TIMM23B: variants seen among roughly 807,000 people sequenced by gnomAD.
The protein encoded by TIMM23B is translocase of inner mitochondrial membrane 23 homolog B.
In TIMM23B, 27 loss-of-function variants were observed where a neutral mutation model predicts 27.3. The ratio of observed to expected loss-of-function variants is 0.99; its 90% CI spans 0.73 to 1.36. The LOEUF (loss-of-function observed/expected upper bound fraction) is 1.36, where lower values mean the gene tolerates loss of function less well. TIMM23B is among the 40% of genes most tolerant of loss of function. The probability of loss-of-function intolerance (pLI) is 0.00; values close to 1 mark genes in which losing one functional copy is unlikely to be tolerated. For missense variants in TIMM23B, 205 were observed against 244.2 expected, an observed-to-expected ratio of 0.84 and a Z score of 1.07; for synonymous variants, 73 against 92.4, an observed-to-expected ratio of 0.79 and a Z score of 1.21.
In TIMM23B at chr10:49,966,108, A is replaced by C. The variant is rs1177543173; in HGVS notation, c.515-6904A>C. Among the ~76,000 whole-genome samples, 3 of 131,396 alleles carry C rather than the reference A, an allele frequency of 2.3e-5. No individual in the cohort carries two copies. In the Middle Eastern group the frequency reaches 0.014, roughly 597 times the overall value. The allele number at this position is 131,396 out of a possible 152,430, so 86.2% of individuals were successfully genotyped here. A position where few individuals can be genotyped will look rare whatever the true frequency, so the allele number is the denominator to read the frequency against. On this transcript the variant is annotated intron_variant, in intron 6 of 6. Coordinates refer to ENST00000651259, the MANE Select transcript of TIMM23B (RefSeq NM_001290117.2). ...GACATGACATGACATGATGAAATGAAATAATGAAATGAATAATGAAATGCT... is the reference window on the plus strand; with the variant it reads ...GACATGACATGACATGATGAAATGACATAATGAAATGAATAATGAAATGCT...
rs1839463675 is a variant in TIMM23B at position 49,949,736 on chromosome 10, T to C, written c.166-2390T>C. On this transcript the variant is annotated intron_variant, in intron 2 of 6. Coordinates refer to ENST00000651259, the MANE Select transcript of TIMM23B (RefSeq NM_001290117.2). ...ATTCTGGAGACCTTAAATTTAAAGA[T>C]AATAGAAATTACATTTTGTAAAACT... Among the ~76,000 whole-genome samples, 9 of 151,292 alleles carry C rather than the reference T, an allele frequency of 5.9e-5. No individual in the cohort carries two copies. The South Asian group carries it at 1.9e-3, about 32-fold the overall frequency.
At chr10:49,971,331 TAAA>T (rs59579331) in intron 6 of TIMM23B, among the ~76,000 whole-genome samples, 6 of 117,736 alleles carry the variant, frequency 5.1e-5, no homozygotes, top group Admixed American at 1.7e-4. Flanking sequence ...CAATAAATAC[TAAA>T]AAAAAAAAAA....
chr10:49,968,301 A>T (rs1394252467), intron 6 of TIMM23B, among the ~76,000 whole-genome samples: 1 of 152,266 alleles, frequency 6.6e-6, no homozygotes, highest in Non-Finnish European at 1.5e-5. Context: ...TTTTCAATAG[A>T]AAAAAGCCTC....
At chr10:49,942,406 G>A (rs4935250) in intron 1 of TIMM23B, 106 bp downstream of exon 1, 24 of 1,541,354 alleles carry the variant, frequency 1.6e-5, no homozygotes, top group African/African-American at 1.4e-4. Flanking sequence ...CCTTGCTGGC[G>A]TTTACAAGCT....
chr10:49,968,898 A>C (rs1281133901), intron 6 of TIMM23B, among the ~76,000 whole-genome samples: 1 of 152,194 alleles, frequency 6.6e-6, no homozygotes, highest in East Asian at 1.9e-4. Context: ...CTTTTGAAAA[A>C]GGTCCGCCTA....
intron 4 of TIMM23B, among the ~76,000 whole-genome samples, chr10:49,954,681 T>C (rs1839655295): frequency 1.3e-5 from 2 of 150,834 alleles, no homozygotes; most frequent in African/African-American, 4.9e-5. Flanking sequence ...CAAAGCCTTA[T>C]ATATATTTAA....
intron 4 of TIMM23B, among the ~76,000 whole-genome samples, chr10:49,952,964 A>G (rs1839587839): frequency 6.6e-6 from 1 of 152,212 alleles, no homozygotes; most frequent in Non-Finnish European, 1.5e-5. Context: ...TACTGTCTTG[A>G]CTTTGTTTCC....
intron 5 of TIMM23B, among the ~76,000 whole-genome samples, chr10:49,956,782 G>C (rs1170233885): frequency 6.8e-6 from 1 of 147,228 alleles, no homozygotes; most frequent in Admixed American, 6.8e-5. Context: ...TTGTTGCCAG[G>C]TGTTTGCTAT....
chr10:49,964,634 AAT>A (rs200991683), intron 6 of TIMM23B, among the ~76,000 whole-genome samples: 1,713 of 150,804 alleles, frequency 0.011, 29 homozygotes, highest in African/African-American at 0.039. Context: ...GAAAAAATGA[AAT>A]AAATGAAATG....
At chr10:49,947,609 C>G (rs1364384612) in intron 2 of TIMM23B, among the ~76,000 whole-genome samples, 107 of 147,814 alleles carry the variant, frequency 7.2e-4, no homozygotes, top group Middle Eastern at 3.4e-3. Flanking sequence ...GACTCGGTCT[C>G]AAAAATAAAT....
chr10:49,964,804 AAAT>A (rs1250420591), intron 6 of TIMM23B, among the ~76,000 whole-genome samples: 1 of 151,792 alleles, frequency 6.6e-6, no homozygotes, highest in African/African-American at 2.4e-5. Flanking sequence ...TGAAATGAAG[AAAT>A]AATGAAATGA....
intron 6 of TIMM23B, among the ~76,000 whole-genome samples, chr10:49,971,179 C>T (rs2132071321): frequency 6.6e-6 from 1 of 152,144 alleles, no homozygotes; most frequent in Admixed American, 6.5e-5. Flanking sequence ...TACCCAGGGA[C>T]ACAAAAACTG....
Position 49,942,983 on chromosome 10 carries a change from A to G in TIMM23B, c.106+683A>G, listed in dbSNP as rs1162897037. ...TAACTGTGGTTGTTCAACTAGATAAATAGAACTTGGACCTAAAGATAGGCA... is the reference window on the plus strand; with the variant it reads ...TAACTGTGGTTGTTCAACTAGATAAGTAGAACTTGGACCTAAAGATAGGCA... On this transcript the variant is annotated intron_variant, in intron 1 of 6. Coordinates refer to ENST00000651259, the MANE Select transcript of TIMM23B (RefSeq NM_001290117.2). 3.3e-5 allele frequency among the ~76,000 whole-genome samples: 5 copies of G among 152,366 alleles called. No individual in the cohort carries two copies. The South Asian group carries it at 8.3e-4, about 25-fold the overall frequency.
chr10:49,962,382 TA>T (rs1839949247), intron 6 of TIMM23B, among the ~76,000 whole-genome samples: 2 of 152,124 alleles, frequency 1.3e-5, no homozygotes, highest in East Asian at 3.9e-4. Flanking sequence ...TTTGTATTTT[TA>T]ATAGAGTCGG....
intron 6 of TIMM23B, among the ~76,000 whole-genome samples, chr10:49,958,976 T>C (rs1440500165): frequency 2.0e-5 from 3 of 152,252 alleles, no homozygotes; most frequent in African/African-American, 7.2e-5. Flanking sequence ...ATTCTGTGTA[T>C]GTGTACCACA....
At chr10:49,946,519 C>T (rs1331625429) in intron 2 of TIMM23B, among the ~76,000 whole-genome samples, 1 of 152,084 alleles carries the variant, frequency 6.6e-6, no homozygotes, top group African/African-American at 2.4e-5. Context: ...AATACAAGTT[C>T]AATATACATA....
At chr10:49,956,780 A>G (rs1839740052) in intron 5 of TIMM23B, among the ~76,000 whole-genome samples, 1 of 147,600 alleles carries the variant, frequency 6.8e-6, no homozygotes, top group Non-Finnish European at 1.5e-5. Flanking sequence ...ATTTGTTGCC[A>G]GGTGTTTGCT....
At chr10:49,961,560 A>T (rs1347305800) in intron 6 of TIMM23B, among the ~76,000 whole-genome samples, 3 of 151,056 alleles carry the variant, frequency 2.0e-5, no homozygotes, top group African/African-American at 4.9e-5. Flanking sequence ...TCTGTCCCTT[A>T]CTTATCTCTT....
Position 49,945,175 on chromosome 10 carries a change from A to G in TIMM23B, c.165+85A>G, listed in dbSNP as rs1839316921. The G allele has an allele frequency of 5.6e-6, 8 of 1,416,842 alleles. No individual in the cohort carries two copies. In the South Asian group the frequency reaches 7.1e-5, roughly 13 times the overall value. The allele number at this position is 1,416,842 out of a possible 1,614,324, so 87.8% of individuals were successfully genotyped here. On this transcript the variant is annotated intron_variant, in intron 2 of 6. Transcript: ENST00000651259. ...GTGCTATGCTGACTTGAACTATGAC[A>G]TACACTTCTGGAGGCAGTAAGTCTC...
Sources: gnomAD v4.1 joint callset for allele counts (sites outside exome capture counted in the v4.1 genomes callset) on GRCh38, gnomAD v4.1.1 for gene constraint, MANE v1.5 for transcripts, NCBI Gene and HGNC (gene_info 2026-07-23, HGNC 2026-07-21) for gene names.